The following SLTM variants were observed in gnomAD, a reference collection of about 807,000 sequenced individuals.
SLTM encodes the protein SAFB-like transcription modulator.
Under a neutral mutation model 134.6 loss-of-function variants are expected in SLTM, and 43 were observed. That is an observed-to-expected ratio of 0.32 (90% CI 0.25 to 0.41). The LOEUF (loss-of-function observed/expected upper bound fraction) is 0.41. Ranked by LOEUF, SLTM falls within the 10% of genes least tolerant of loss-of-function variation. The probability of loss-of-function intolerance (pLI) is 1.00; values close to 1 mark genes in which losing one functional copy is unlikely to be tolerated. For synonymous variants in SLTM, 424 were observed against 432.3 expected, an observed-to-expected ratio of 0.98 and a Z score of 0.24; for missense variants, 1,055 against 1,288.8, an observed-to-expected ratio of 0.82 and a Z score of 2.78.
chr15:58,883,913 C>G, intron 19 of SLTM, 127 bp from the exon 20 acceptor site: 1 of 938,210 alleles, frequency 1.1e-6, no homozygotes, highest in Non-Finnish European at 1.6e-6. Flanking sequence ...GCCTGGCTAA[C>G]ATGGTGCAAC....
At chr15:58,896,014 G>A (rs1276929694) in intron 9 of SLTM, among the ~76,000 whole-genome samples, 1 of 152,176 alleles carries the variant, frequency 6.6e-6, no homozygotes, top group Non-Finnish European at 1.5e-5. Flanking sequence ...TTACACTGGA[G>A]TACATTAACT....
intron 16 of SLTM, 157 bp downstream of exon 16, chr15:58,889,273 G>A: frequency 1.2e-6 from 1 of 811,960 alleles, no homozygotes; most frequent in Non-Finnish European, 1.9e-6. Context: ...CCACTTGCTA[G>A]TGCACTGGGT....
intron 20 of SLTM, among the ~76,000 whole-genome samples, chr15:58,881,317 G>T (rs1490831081): frequency 6.6e-6 from 1 of 152,114 alleles, no homozygotes; most frequent in Non-Finnish European, 1.5e-5. Context: ...TGAGGAACAG[G>T]AGTTTGAGAC....
At chr15:58,909,213 A>C in intron 5 of SLTM, among the ~76,000 whole-genome samples, 1 of 152,228 alleles carries the variant, frequency 6.6e-6, no homozygotes, top group East Asian at 1.9e-4. Flanking sequence ...CATGTTGAGA[A>C]GACTCAAGAG....
rs2033496426 is a variant in SLTM, at chr15:58,879,109, A to AT, written c.*889dup. 6.6e-6 allele frequency: 1 copy of AT among 152,218 alleles called. No homozygotes were observed. Among genetic ancestry groups the AT allele is most frequent in the African/African-American group, 2.4e-5 (1 of 41,454 alleles). 9.4% of individuals were successfully genotyped at this position (152,218 alleles called of 1,614,324 possible). A position where few individuals can be genotyped will look rare whatever the true frequency, so the allele number is the denominator to read the frequency against. On this transcript the variant is annotated 3_prime_UTR_variant, in exon 21 of 21. Coordinates refer to ENST00000380516, the MANE Select transcript of SLTM (RefSeq NM_024755.4). Reference sequence around the variant, plus strand: ...AACAATGTCTTCCCCACATACAAGTATTTACAAAACCCAACTGATTCACCC... The same window carrying AT: ...AACAATGTCTTCCCCACATACAAGTATTTTACAAAACCCAACTGATTCACCC...
At chr15:58,887,191 G>A (rs2034286005) in intron 18 of SLTM, 35 bp downstream of exon 18, 1 of 1,611,636 alleles carries the variant, frequency 6.2e-7, no homozygotes, top group Non-Finnish European at 8.5e-7. Flanking sequence ...CAATGCATGA[G>A]ACCACTAGGA....
intron 6 of SLTM, chr15:58,900,671 C>T (rs2035418071): frequency 6.5e-6 from 1 of 152,928 alleles, no homozygotes; most frequent in Non-Finnish European, 1.5e-5. Flanking sequence ...GCTCCATGTC[C>T]TTTCTAGTCC....
At chr15:58,896,997 T>C in intron 9 of SLTM, 118 bp downstream of exon 9, 1 of 635,706 alleles carries the variant, frequency 1.6e-6, no homozygotes, top group East Asian at 2.7e-5. Flanking sequence ...ATTATGTCTA[T>C]TAACAGTCCT....
intron 2 of SLTM, chr15:58,921,576 G>T (rs549773496): frequency 3.6e-5 from 16 of 444,530 alleles, no homozygotes; most frequent in Non-Finnish European, 6.8e-5. Context: ...TAATGTTTCA[G>T]CTTGTAATCT....
chr15:58,932,603 AGAGT>A (rs546398458), intron 1 of SLTM, among the ~76,000 whole-genome samples, 160 bp from the exon 2 acceptor site: 98 of 152,348 alleles, frequency 6.4e-4, no homozygotes, highest in African/African-American at 2.1e-3. Context: ...ACTACACGAA[AGAGT>A]GAGAGAAACT....
Position 58,932,386 on chromosome 15 carries a change from T to C in SLTM, c.220A>G (p.Thr74Ala). 1.2e-6 allele frequency: 2 copies of C among 1,613,570 alleles called. No homozygotes were observed. The highest frequency in any genetic ancestry group is 8.5e-7 in the Non-Finnish European group (1 of 1,179,540). ...DNIELTVSTD[T>A]PNKKPTKGKG... Reference sequence around the variant, plus strand: ...CCTTTAGTTGGTTTCTTGTTTGGAGTATCAGTTGAAACAGTTAATTCAATA... The same window carrying C: ...CCTTTAGTTGGTTTCTTGTTTGGAGCATCAGTTGAAACAGTTAATTCAATA... The change falls in exon 2 of 21, where the codon ACT becomes GCT. Residue 74 changes from threonine to alanine, a missense_variant. Physicochemically the swap from Thr to Ala is moderately conservative, Grantham distance 58. Coordinates refer to ENST00000380516, the MANE Select transcript of SLTM (RefSeq NM_024755.4).
intron 2 of SLTM, among the ~76,000 whole-genome samples, chr15:58,924,085 G>T (rs2037295905): frequency 6.6e-6 from 1 of 152,142 alleles, no homozygotes; most frequent in South Asian, 2.1e-4. Flanking sequence ...AAGGTGCTGG[G>T]ATTAGAGGCG....
Position 58,890,363 on chromosome 15 carries a change from C to A in SLTM, c.1997G>T (p.Arg666Leu), listed in dbSNP as rs1391967828. 3 of 1,613,950 alleles carry A rather than the reference C, an allele frequency of 1.9e-6. No homozygotes were observed. The highest frequency in any genetic ancestry group is 2.7e-5 in the African/African-American group (2 of 74,900). Reference sequence around the variant, plus strand: ...TAGTTTTTGCCTTTCAATTTCTAGGCGCTCTCTCTCTCTCTGTAAGCGTTC... The same window carrying A: ...TAGTTTTTGCCTTTCAATTTCTAGGAGCTCTCTCTCTCTCTGTAAGCGTTC... ...ERERLQRERERLEIERQKLER... is the reference protein window; with the variant it reads ...ERERLQRERELLEIERQKLER... The change falls in exon 15 of 21, where the codon CGC becomes CTC. Residue 666 changes from arginine to leucine, a missense_variant. By Grantham distance (102) the Arg-to-Leu change is moderately radical. This residue lies in a region of SLTM where 776 missense variants were observed against 962.2 expected (regional missense o/e 0.81). Transcript: ENST00000380516.
chr15:58,932,257 CAA>C (rs1337392457), intron 2 of SLTM, 97 bp downstream of exon 2: 3 of 831,756 alleles, frequency 3.6e-6, no homozygotes, highest in African/African-American at 3.4e-5. Flanking sequence ...AGGGAAATAG[CAA>C]AGAGTAGCAC....
In SLTM at chr15:58,925,193, T is replaced by A. The variant is rs1212930850; in HGVS notation, c.250+7163A>T. 3.3e-5 allele frequency among the ~76,000 whole-genome samples: 5 copies of A among 152,072 alleles called. No homozygotes were observed. In the East Asian group the frequency reaches 7.7e-4, roughly 23 times the overall value. Reference sequence around the variant, plus strand: ...AACCTCTTCCCAATTGCATGGAGTATCTTAATCACAGGCCATGCCTTGTAT... The same window carrying A: ...AACCTCTTCCCAATTGCATGGAGTAACTTAATCACAGGCCATGCCTTGTAT... On this transcript the variant is annotated intron_variant, in intron 2 of 20. Coordinates refer to ENST00000380516, the MANE Select transcript of SLTM (RefSeq NM_024755.4).
intron 5 of SLTM, among the ~76,000 whole-genome samples, chr15:58,905,717 A>ATAAT (rs2035825999): frequency 2.0e-5 from 3 of 152,148 alleles, no homozygotes; most frequent in African/African-American, 7.2e-5. Flanking sequence ...TATTTTAAAA[A>ATAAT]GTAAAATAGT....
At chr15:58,898,909 A>G in intron 7 of SLTM, 57 bp from the exon 8 acceptor site, 1 of 1,250,376 alleles carries the variant, frequency 8.0e-7, no homozygotes, top group Non-Finnish European at 1.2e-6. Context: ...CAAACCCAAA[A>G]CAGAACAGCT....
At chr15:58,931,542 G>A (rs2037880275) in intron 2 of SLTM, among the ~76,000 whole-genome samples, 1 of 152,106 alleles carries the variant, frequency 6.6e-6, no homozygotes, top group Non-Finnish European at 1.5e-5. Context: ...GAAAATTGTA[G>A]GTAAAGACCA....
At chr15:58,881,232 C>G (rs1004914750) in intron 20 of SLTM, among the ~76,000 whole-genome samples, 1 of 151,916 alleles carries the variant, frequency 6.6e-6, no homozygotes, top group African/African-American at 2.4e-5. Flanking sequence ...AGATAAAAAT[C>G]TACAGTGAAG....
Sources: allele counts gnomAD v4.1 joint callset (sites outside exome capture counted in the v4.1 genomes callset), GRCh38; gene constraint gnomAD v4.1.1; regional missense constraint gnomAD v4.1.1; transcripts MANE v1.5; gene names NCBI Gene and HGNC (gene_info 2026-07-23, HGNC 2026-07-21).